Variants in SIK2 observed in about 807,000 individuals in gnomAD.
SIK2 encodes serine/threonine-protein kinase SIK2.
SIK2 carries 29 observed loss-of-function variants against 103.2 expected under a neutral mutation model. The ratio of observed to expected loss-of-function variants is 0.28; its 90% CI spans 0.21 to 0.38. The LOEUF (loss-of-function observed/expected upper bound fraction) is 0.38, where lower values mean the gene tolerates loss of function less well. SIK2 is among the 10% of genes least tolerant of loss of function. SIK2 has a pLI of 1.00. For missense variants in SIK2, 879 were observed against 1,171.0 expected, an observed-to-expected ratio of 0.75 and a Z score of 3.64; for synonymous variants, 412 against 446.1, an observed-to-expected ratio of 0.92 and a Z score of 0.96.
chr11:111,602,836 C>A lies in SIK2; in HGVS notation c.135+138C>A. On this transcript the variant is annotated intron_variant, in intron 1 of 14. Coordinates refer to ENST00000304987, the MANE Select transcript of SIK2 (RefSeq NM_015191.3). The surrounding 1 kb of genome is among the most constrained non-coding windows in gnomAD (Gnocchi z 4.5). The stretch of plus-strand genomic sequence containing the variant: ...CTGGCGGAGGCGAGCGGGCCTGGGA[C>A]TGTGAGGACCCAGGAGGTGCAGGGG... 1 of 1,280,556 alleles carries A rather than the reference C, an allele frequency of 7.8e-7. No homozygotes were observed. The highest frequency in any genetic ancestry group is 1.0e-6 in the Non-Finnish European group (1 of 987,300). 79.3% of individuals were successfully genotyped at this position (1,280,556 alleles called of 1,614,324 possible).
At chr11:111,666,941 T>TA (rs1942551161) in intron 3 of SIK2, among the ~76,000 whole-genome samples, 1 of 121,224 alleles carries the variant, frequency 8.2e-6, no homozygotes, top group African/African-American at 2.9e-5. Context: ...TTTTTTATTT[T>TA]ATTTTATTTA....
chr11:111,626,855 A>G (rs1311843847), intron 3 of SIK2, among the ~76,000 whole-genome samples: 1 of 152,128 alleles, frequency 6.6e-6, no homozygotes, highest in Non-Finnish European at 1.5e-5. Context: ...TACTCTTTAT[A>G]AGGAAGATTC....
chr11:111,659,243 T>C (rs1489112297), intron 3 of SIK2, among the ~76,000 whole-genome samples: 3 of 152,220 alleles, frequency 2.0e-5, no homozygotes, highest in Non-Finnish European at 4.4e-5. Flanking sequence ...GGAGACATTT[T>C]TTGTCTCTCA....
chr11:111,711,858 G>A, intron 8 of SIK2, among the ~76,000 whole-genome samples: 1 of 152,170 alleles, frequency 6.6e-6, no homozygotes, highest in East Asian at 1.9e-4. Context: ...TTCTTTATCT[G>A]TCTGGGTATT....
chr11:111,656,965 A>G (rs909290898), intron 3 of SIK2, among the ~76,000 whole-genome samples: 16 of 152,222 alleles, frequency 1.1e-4, no homozygotes, highest in African/African-American at 3.4e-4. Flanking sequence ...TTGTTTTCCA[A>G]TAGCCTAAGA....
At chr11:111,673,130 C>A (rs1456784809) in intron 3 of SIK2, among the ~76,000 whole-genome samples, 1 of 152,172 alleles carries the variant, frequency 6.6e-6, no homozygotes, top group Admixed American at 6.5e-5. Context: ...GAAGTCATGT[C>A]TTTTTGCTGA....
intron 3 of SIK2, among the ~76,000 whole-genome samples, chr11:111,659,113 T>G (rs1942434303): frequency 2.6e-5 from 4 of 152,226 alleles, no homozygotes. Context: ...ACATGATCAT[T>G]TTTTCATTTT....
At chr11:111,678,077 C>T (rs908545185) in intron 3 of SIK2, among the ~76,000 whole-genome samples, 2 of 152,168 alleles carry the variant, frequency 1.3e-5, no homozygotes, top group African/African-American at 4.8e-5. Context: ...TTCCTCCTTC[C>T]CTGTTCTTTA....
chr11:111,707,419 G>A (rs187816135), intron 8 of SIK2, among the ~76,000 whole-genome samples: 2 of 152,104 alleles, frequency 1.3e-5, no homozygotes, highest in Non-Finnish European at 1.5e-5. Flanking sequence ...TCTTATGTTC[G>A]ATAATTTTTT....
intron 10 of SIK2, 51 bp from the exon 11 acceptor site, chr11:111,720,427 C>T: frequency 6.6e-7 from 1 of 1,522,292 alleles, no homozygotes; most frequent in Non-Finnish European, 8.9e-7. Context: ...ACCCTATGTT[C>T]CAAGGAGATG....
intron 3 of SIK2, among the ~76,000 whole-genome samples, chr11:111,628,243 G>T (rs2135846472): frequency 6.6e-6 from 1 of 152,186 alleles, no homozygotes; most frequent in Middle Eastern, 3.4e-3. Flanking sequence ...CTTTCTGTTT[G>T]TGTCTCTTGG....
At chr11:111,704,948 T>C in intron 7 of SIK2, 39 bp from the exon 8 acceptor site, 1 of 1,563,226 alleles carries the variant, frequency 6.4e-7, no homozygotes, top group Non-Finnish European at 8.6e-7. Context: ...GCATTGGTCT[T>C]TACAGTTCTT....
intron 1 of SIK2, among the ~76,000 whole-genome samples, chr11:111,610,714 T>C (rs1203882665): frequency 6.6e-6 from 1 of 152,150 alleles, no homozygotes; most frequent in African/African-American, 2.4e-5. Flanking sequence ...TAAAATAATA[T>C]AGCCATTTTC....
intron 3 of SIK2, among the ~76,000 whole-genome samples, chr11:111,685,952 C>T (rs1041366543): frequency 6.6e-6 from 1 of 152,118 alleles, no homozygotes; most frequent in African/African-American, 2.4e-5. Context: ...AATATTACAG[C>T]CCCAGATTGA....
At chr11:111,714,233 G>A (rs1943578573) in intron 9 of SIK2, among the ~76,000 whole-genome samples, 1 of 152,226 alleles carries the variant, frequency 6.6e-6, no homozygotes, top group African/African-American at 2.4e-5. Context: ...GAGGAAAAGG[G>A]CACATGCAGG....
chr11:111,712,668 C>T (rs1261175230), intron 9 of SIK2, among the ~76,000 whole-genome samples: 1 of 152,174 alleles, frequency 6.6e-6, no homozygotes, highest in East Asian at 1.9e-4. Flanking sequence ...CCAGATCTCT[C>T]ACAAGTGTTT....
chr11:111,703,631 T>C (rs1389358872), intron 7 of SIK2, among the ~76,000 whole-genome samples: 2 of 152,196 alleles, frequency 1.3e-5, no homozygotes, highest in Non-Finnish European at 2.9e-5. Context: ...GCCAAAACAT[T>C]CAAGAGGAGG....
Position 111,723,786 on chromosome 11 carries a change from CTCT to C in SIK2, c.2439_2441del (p.Leu814del). The C allele has an allele frequency of 6.2e-7, 1 of 1,614,034 alleles. No individual in the cohort carries two copies. The highest frequency in any genetic ancestry group is 8.5e-7 in the Non-Finnish European group (1 of 1,180,046). ...ACTTCCGGTCCCCGGGCTGCTCCTC[CTCT>C]GCCCACGCAGCTACAGCAGCAGCAG... On this transcript the variant is annotated inframe_deletion, in exon 15 of 15. Transcript: ENST00000304987.
At chr11:111,666,019 A>G (rs1174943076) in intron 3 of SIK2, among the ~76,000 whole-genome samples, 1 of 152,188 alleles carries the variant, frequency 6.6e-6, no homozygotes, top group Non-Finnish European at 1.5e-5. Flanking sequence ...GTGTGTGACT[A>G]CTGCACTAGC....
Sources: gnomAD v4.1 joint callset for allele counts (sites outside exome capture counted in the v4.1 genomes callset) on GRCh38, gnomAD v4.1.1 for gene constraint, Gnocchi (gnomAD v3.1) non-coding constraint, MANE v1.5 for transcripts, NCBI Gene and HGNC (gene_info 2026-07-23, HGNC 2026-07-21) for gene names.